ZYG11B: variants seen among roughly 807,000 people sequenced by gnomAD.
ZYG11B encodes zyg-11 family member B, cell cycle regulator, also known as protein zyg-11 homolog B.
ZYG11B carries 36 observed loss-of-function variants against 82.4 expected under a neutral mutation model. That is an observed-to-expected ratio of 0.44 (90% CI 0.33 to 0.58). The LOEUF is 0.58. Among genes scored for constraint, ZYG11B ranks in the 20% least tolerant of loss-of-function variants. The probability of loss-of-function intolerance (pLI) is 0.02; values close to 1 mark genes in which losing one functional copy is unlikely to be tolerated. For synonymous variants in ZYG11B, 303 were observed against 312.8 expected (o/e 0.97, Z 0.33); for missense variants, 552 against 895.6 (o/e 0.62, Z 4.90).
intron 4 of ZYG11B, among the ~76,000 whole-genome samples, chr1:52,784,272 A>G (rs565686048): frequency 1.3e-5 from 2 of 152,238 alleles, no homozygotes; most frequent in African/African-American, 2.4e-5. Context: ...GATTACAGGC[A>G]TGAGCCACCA....
At chr1:52,746,687 G>GTTTTTTTTTTT (rs11446988) in intron 1 of ZYG11B, among the ~76,000 whole-genome samples, 644 of 33,484 alleles carry the variant, frequency 0.019, 143 homozygotes, top group East Asian at 0.023. Flanking sequence ...ATCGGCCACT[G>GTTTTTTTTTTT]TTTTTTTTTT....
chr1:52,729,259 G>T (rs1336089810), intron 1 of ZYG11B, among the ~76,000 whole-genome samples: 1 of 152,088 alleles, frequency 6.6e-6, no homozygotes, highest in East Asian at 1.9e-4. Flanking sequence ...ACCTCCCAAA[G>T]GCCCCACCTC....
At position 52,825,283 on chromosome 1, in the gene ZYG11B, G is replaced by A. The variant is rs553170258; in HGVS notation, c.*3654G>A. ...TTAACTAATTAATAAAATAAATCAA[G>A]TGGTATAAGGGATTAGTTTACCCTC... is the stretch of plus-strand genomic sequence containing the variant. On this transcript the variant is annotated 3_prime_UTR_variant, in exon 14 of 14. Transcript: ENST00000294353. 2 of 152,106 alleles carry A rather than the reference G, an allele frequency of 1.3e-5. No individual in the cohort carries two copies. The highest frequency in any genetic ancestry group is 4.8e-5 in the African/African-American group (2 of 41,514). 9.4% of individuals were successfully genotyped at this position (152,106 alleles called of 1,614,324 possible). A position where few individuals can be genotyped will look rare whatever the true frequency, so the allele number is the denominator to read the frequency against.
chr1:52,788,848 GCTTT>G (rs1644934084), intron 5 of ZYG11B, among the ~76,000 whole-genome samples: 1 of 152,182 alleles, frequency 6.6e-6, no homozygotes, highest in African/African-American at 2.4e-5. Flanking sequence ...GGAGGGATGG[GCTTT>G]CTAAGTGGAG....
At chr1:52,763,411 G>T (rs1372048985) in intron 2 of ZYG11B, among the ~76,000 whole-genome samples, 5 of 152,078 alleles carry the variant, frequency 3.3e-5, no homozygotes, top group Non-Finnish European at 1.5e-5. Flanking sequence ...GTTTCTTTTA[G>T]AATTATTTTT....
chr1:52,730,128 A>G (rs928451), intron 1 of ZYG11B, among the ~76,000 whole-genome samples: 95,682 of 151,988 alleles, frequency 0.63, 32,120 homozygotes, highest in East Asian at 0.97. Context: ...CAAAACCCAC[A>G]TAATGCTGAT....
In ZYG11B at chr1:52,803,229, CATATATATAT is replaced by C. The variant is rs200187664; in HGVS notation, c.1695+1092_1695+1101del. 9.6e-3 allele frequency among the ~76,000 whole-genome samples: 626 copies of C among 65,156 alleles called. 71 individuals carry two copies. The highest frequency in any genetic ancestry group is 0.067 in the African/African-American group (597 of 8,900). 42.7% of individuals were successfully genotyped at this position (65,156 alleles called of 152,430 possible). A position where few individuals can be genotyped will look rare whatever the true frequency, so the allele number is the denominator to read the frequency against. ...ACACACACATATATATATATACACA[CATATATATAT>C]ACACACACACATATATATATATATA... is the stretch of plus-strand genomic sequence containing the variant. On this transcript the variant is annotated intron_variant, in intron 10 of 13. Coordinates refer to ENST00000294353, the MANE Select transcript of ZYG11B (RefSeq NM_024646.3).
chr1:52,775,422 A>G (rs560257692), intron 3 of ZYG11B, among the ~76,000 whole-genome samples: 24 of 151,668 alleles, frequency 1.6e-4, no homozygotes, highest in Admixed American at 1.5e-3. Context: ...TGAGACCCCC[A>G]TCTGACACCT....
chr1:52,756,296 T>G (rs1644575990), intron 1 of ZYG11B, among the ~76,000 whole-genome samples, 162 bp from the exon 2 acceptor site: 1 of 152,222 alleles, frequency 6.6e-6, no homozygotes, highest in South Asian at 2.1e-4. Flanking sequence ...CTTGAGAACA[T>G]AGATCACAGA....
At chr1:52,739,700 C>T (rs761756874) in intron 1 of ZYG11B, among the ~76,000 whole-genome samples, 1 of 152,044 alleles carries the variant, frequency 6.6e-6, no homozygotes, top group Non-Finnish European at 1.5e-5. Flanking sequence ...TGGCTCACTA[C>T]CACCTCTGCC....
chr1:52,749,459 GTTTATAC>G (rs894057997), intron 1 of ZYG11B, among the ~76,000 whole-genome samples: 54 of 152,254 alleles, frequency 3.5e-4, no homozygotes, highest in African/African-American at 1.0e-3. Flanking sequence ...TTGCTAAAGT[GTTTATAC>G]TTTATAGGTC....
At chr1:52,780,184 A>G (rs1045533896) in intron 4 of ZYG11B, among the ~76,000 whole-genome samples, 191 bp downstream of exon 4, 2 of 152,208 alleles carry the variant, frequency 1.3e-5, no homozygotes, top group Non-Finnish European at 2.9e-5. Flanking sequence ...AAGCTTCACA[A>G]TAATCTCATT....
chr1:52,816,588 T>C lies in ZYG11B; in HGVS notation c.2003T>C (p.Leu668Pro). Residue 668 changes from leucine to proline, a missense_variant, in exon 13 of 14, where the codon CTA becomes CCA. Coordinates refer to ENST00000294353, the MANE Select transcript of ZYG11B (RefSeq NM_024646.3). ...LGCFTTPGVQ[L>P]WAVWAMQHVC... The stretch of plus-strand genomic sequence containing the variant: ...TGTTTCACAACACCAGGAGTTCAGC[T>C]ATGGGCAGTTTGGGCCATGCAACAT... The C allele has an allele frequency of 6.2e-7, 1 of 1,613,448 alleles. No homozygotes were observed. Among genetic ancestry groups the C allele is most frequent in the Non-Finnish European group, 8.5e-7 (1 of 1,179,882 alleles).
intron 9 of ZYG11B, 41 bp from the exon 10 acceptor site, chr1:52,802,051 T>C: frequency 6.3e-6 from 10 of 1,582,446 alleles, no homozygotes; most frequent in Non-Finnish European, 8.6e-6. Context: ...ATTTTATATT[T>C]GGTTCTTCAG....
intron 13 of ZYG11B, 80 bp from the exon 14 acceptor site, chr1:52,821,359 A>AT: frequency 2.8e-6 from 4 of 1,443,402 alleles, no homozygotes; most frequent in Middle Eastern, 1.9e-4. Context: ...CCTAGAAGTC[A>AT]TTTTTTTGTG....
At chr1:52,812,393 T>G (rs1361012001) in intron 10 of ZYG11B, among the ~76,000 whole-genome samples, 4 of 152,202 alleles carry the variant, frequency 2.6e-5, no homozygotes, top group African/African-American at 9.6e-5. Context: ...TATTTTATTT[T>G]ATTTTATTTT....
chr1:52,812,903 A>C (rs1031064418), intron 10 of ZYG11B, among the ~76,000 whole-genome samples: 14 of 144,470 alleles, frequency 9.7e-5, no homozygotes, highest in Admixed American at 9.6e-4. Context: ...ATTTTTGTGT[A>C]TTTAGTAGAG....
chr1:52,771,235 C>T lies in ZYG11B; in HGVS notation c.412C>T (p.Leu138Phe). 1 of 1,614,224 alleles carries T rather than the reference C, an allele frequency of 6.2e-7. No homozygotes were observed. Among genetic ancestry groups the T allele is most frequent in the Non-Finnish European group, 8.5e-7 (1 of 1,180,020 alleles). The change falls in exon 3 of 14, where the codon CTC becomes TTC. Residue 138 changes from leucine to phenylalanine, a missense_variant. Leu to Phe is a conservative substitution (Grantham distance 22, BLOSUM62 0). This residue lies in a region of ZYG11B where 359 missense variants were observed against 555.8 expected (regional missense o/e 0.65). Transcript: ENST00000294353. This position sits in a 1 kb window ranked among gnomAD's most constrained non-coding sequence, Gnocchi z 5.4. ...CAGTAACAAATGGATCCAGCAGAATCTCCAGTGCCTGGTGCTGAATTCATT... is the reference window on the plus strand; with the variant it reads ...CAGTAACAAATGGATCCAGCAGAATTTCCAGTGCCTGGTGCTGAATTCATT... ...LGSNKWIQQN[L>F]QCLVLNSLTL...
chr1:52,761,349 AC>A (rs1644629951), intron 2 of ZYG11B, among the ~76,000 whole-genome samples: 1 of 152,172 alleles, frequency 6.6e-6, no homozygotes, highest in African/African-American at 2.4e-5. Flanking sequence ...TCTTCTCTCT[AC>A]AAGTCTCCAG....
Sources: allele counts gnomAD v4.1 joint callset (sites outside exome capture counted in the v4.1 genomes callset), GRCh38; gene constraint gnomAD v4.1.1; regional missense constraint gnomAD v4.1.1; non-coding constraint Gnocchi (gnomAD v3.1); transcripts MANE v1.5; gene names NCBI Gene and HGNC (gene_info 2026-07-23, HGNC 2026-07-21).